The following SCAPER variants were observed in gnomAD, a reference collection of about 807,000 sequenced individuals.
SCAPER encodes the protein S phase cyclin A-associated protein in the endoplasmic reticulum.
A neutral mutation model predicts 182.2 loss-of-function variants in SCAPER; 98 were observed. The ratio of observed to expected loss-of-function variants is 0.54; its 90% confidence interval spans 0.46 to 0.64. The LOEUF (loss-of-function observed/expected upper bound fraction) is 0.64. Ranked by LOEUF, SCAPER falls within the 30% of genes least tolerant of loss-of-function variation. SCAPER has a pLI of 0.00. For synonymous variants in SCAPER, 605 were observed against 564.6 expected (o/e 1.07, Z -1.01); for missense variants, 1,432 against 1,690.0 (o/e 0.85, Z 2.68).
intron 20 of SCAPER, among the ~76,000 whole-genome samples, chr15:76,686,804 C>A (rs1257291331): frequency 6.6e-6 from 1 of 152,046 alleles, no homozygotes; most frequent in South Asian, 2.1e-4. Context: ...AGATTACATA[C>A]AGCAAGGTAT....
chr15:76,797,014 A>C (rs1204479552), intron 7 of SCAPER, among the ~76,000 whole-genome samples: 5 of 152,222 alleles, frequency 3.3e-5, no homozygotes, highest in Non-Finnish European at 7.3e-5. Context: ...CTTGCCTCAA[A>C]GAAGGTCCTA....
At chr15:76,362,540 G>A (rs1384462711) in intron 29 of SCAPER, among the ~76,000 whole-genome samples, 1 of 151,586 alleles carries the variant, frequency 6.6e-6, no homozygotes, top group African/African-American at 2.4e-5. Flanking sequence ...AGCCTCCCGA[G>A]CAGCTGGGAT....
At chr15:76,722,143 T>A (rs185702457) in intron 17 of SCAPER, among the ~76,000 whole-genome samples, 1 of 152,204 alleles carries the variant, frequency 6.6e-6, no homozygotes, top group Non-Finnish European at 1.5e-5. Context: ...TGAAGGGTTG[T>A]TGAATTTTGT....
At chr15:76,553,121 G>A (rs1364594277) in intron 23 of SCAPER, among the ~76,000 whole-genome samples, 2 of 152,176 alleles carry the variant, frequency 1.3e-5, no homozygotes, top group Non-Finnish European at 2.9e-5. Context: ...GCTGGCTATG[G>A]GTGTGGGTGG....
intron 23 of SCAPER, among the ~76,000 whole-genome samples, chr15:76,562,193 C>A (rs1452061505): frequency 2.9e-5 from 4 of 139,932 alleles, no homozygotes; most frequent in East Asian, 2.1e-4. Context: ...GGACAAGAGA[C>A]TAAAAGTAAA....
intron 20 of SCAPER, among the ~76,000 whole-genome samples, chr15:76,690,939 A>G (rs1164906072): frequency 1.3e-5 from 2 of 152,150 alleles, no homozygotes; most frequent in African/African-American, 2.4e-5. Flanking sequence ...CCAAAATATT[A>G]TATCTTTGAA....
chr15:76,859,915 CA>C (rs1467379067), intron 3 of SCAPER, among the ~76,000 whole-genome samples: 1 of 152,088 alleles, frequency 6.6e-6, no homozygotes, highest in Admixed American at 6.5e-5. Flanking sequence ...GAGGTTTCAC[CA>C]TGTTGCCCAG....
chr15:76,625,950 G>C (rs1597782152), intron 21 of SCAPER, among the ~76,000 whole-genome samples: 1 of 152,032 alleles, frequency 6.6e-6, no homozygotes, highest in East Asian at 1.9e-4. Flanking sequence ...GAACTGTCTG[G>C]GGCCACACAC....
At chr15:76,853,876 T>C (rs2071045056) in intron 4 of SCAPER, among the ~76,000 whole-genome samples, 1 of 152,208 alleles carries the variant, frequency 6.6e-6, no homozygotes, top group Non-Finnish European at 1.5e-5. Context: ...GAAGTCAAAA[T>C]ATCCATTTGC....
intron 22 of SCAPER, among the ~76,000 whole-genome samples, chr15:76,604,194 T>C (rs1382604534): frequency 8.3e-6 from 1 of 121,078 alleles, no homozygotes; most frequent in Non-Finnish European, 2.0e-5. Context: ...CTTGAATTAA[T>C]TTTTGTATAA....
At position 76,600,730 on chromosome 15, in the gene SCAPER, G is replaced by A. The variant is rs796537654; in HGVS notation, c.2711+21034C>T. On this transcript the variant is annotated intron_variant, in intron 22 of 31. Transcript: ENST00000563290. ...CTCCCAAAGTGCTGGGATTACAGGC[G>A]TGAGCCACTGCGCCCCACCCAGAAA... 4.2e-5 allele frequency among the ~76,000 whole-genome samples: 5 copies of A among 119,948 alleles called. 1 individual carries two copies. The highest frequency in any genetic ancestry group is 4.4e-4 in the East Asian group (2 of 4,560). 78.7% of individuals were successfully genotyped at this position (119,948 alleles called of 152,430 possible). A position where few individuals can be genotyped will look rare whatever the true frequency, so the allele number is the denominator to read the frequency against.
At chr15:76,699,305 T>C (rs1019987746) in intron 20 of SCAPER, among the ~76,000 whole-genome samples, 1 of 152,184 alleles carries the variant, frequency 6.6e-6, no homozygotes, top group African/African-American at 2.4e-5. Context: ...CTATGTTGAA[T>C]AGGAGTGGCG....
At chr15:76,819,251 CA>C (rs1197191919) in intron 5 of SCAPER, among the ~76,000 whole-genome samples, 1 of 152,228 alleles carries the variant, frequency 6.6e-6, no homozygotes, top group African/African-American at 2.4e-5. Flanking sequence ...GTTCTCCCAG[CA>C]TGCAGCTTGA....
intron 22 of SCAPER, among the ~76,000 whole-genome samples, chr15:76,587,751 T>TATTCA (rs1452482984): frequency 6.6e-6 from 1 of 152,118 alleles, no homozygotes; most frequent in Admixed American, 6.5e-5. Context: ...ATAGAATGTA[T>TATTCA]ATTCTGTGGC....
intron 17 of SCAPER, among the ~76,000 whole-genome samples, chr15:76,720,074 C>A (rs1321321892): frequency 1.4e-5 from 2 of 147,120 alleles, no homozygotes; most frequent in African/African-American, 2.5e-5. Context: ...TGCTATACTT[C>A]CCCCCTCCCC....
At chr15:76,798,723 T>C (rs557210514) in intron 7 of SCAPER, among the ~76,000 whole-genome samples, 43 of 152,226 alleles carry the variant, frequency 2.8e-4, no homozygotes, top group African/African-American at 9.4e-4. Context: ...TCAGAAACCA[T>C]AGCAGCCAGA....
At chr15:76,351,458 T>C (rs949941949) in intron 30 of SCAPER, among the ~76,000 whole-genome samples, 170 bp from the exon 31 acceptor site, 2 of 152,234 alleles carry the variant, frequency 1.3e-5, no homozygotes, top group Non-Finnish European at 2.9e-5. Context: ...TTCTCATAAA[T>C]AGTAATGACT....
chr15:76,655,655 T>C (rs530079969), intron 21 of SCAPER, among the ~76,000 whole-genome samples: 1 of 151,858 alleles, frequency 6.6e-6, no homozygotes, highest in Non-Finnish European at 1.5e-5. Flanking sequence ...ACAAAAATCC[T>C]CAAGAGAGAA....
intron 8 of SCAPER, among the ~76,000 whole-genome samples, chr15:76,787,455 C>T (rs921514873): frequency 5.9e-5 from 9 of 152,114 alleles, no homozygotes; most frequent in Non-Finnish European, 2.9e-5. Context: ...TCCTCCAGAG[C>T]AGCTGGGACC....
Sources: gnomAD v4.1 joint callset for allele counts (sites outside exome capture counted in the v4.1 genomes callset) on GRCh38, gnomAD v4.1.1 for gene constraint, MANE v1.5 for transcripts, NCBI Gene and HGNC (gene_info 2026-07-23, HGNC 2026-07-21) for gene names.